PTPRD: variants seen among roughly 807,000 people sequenced by gnomAD.
The protein encoded by PTPRD is protein tyrosine phosphatase receptor type D.
Under a neutral mutation model 214.5 loss-of-function variants are expected in PTPRD, and 34 were observed. The observed-to-expected ratio is 0.16, with a 90% confidence interval of 0.12 to 0.21. The LOEUF is 0.21. PTPRD is among the 10% of genes least tolerant of loss of function. PTPRD has a pLI of 1.00. For synonymous variants in PTPRD, 1,128 were observed against 845.7 expected (o/e 1.33, Z -5.79); for missense variants, 2,545 against 2,398.7 (o/e 1.06, Z -1.27).
intron 2 of PTPRD, among the ~76,000 whole-genome samples, chr9:10,342,186 G>T (rs572238297): frequency 3.9e-5 from 6 of 152,004 alleles, no homozygotes; most frequent in African/African-American, 1.4e-4. Flanking sequence ...TCATCAGATC[G>T]TATTGACTCC....
intron 9 of PTPRD, among the ~76,000 whole-genome samples, chr9:9,260,365 C>T (rs2099979557): frequency 6.6e-6 from 1 of 151,838 alleles, no homozygotes; most frequent in African/African-American, 2.4e-5. Context: ...AAGTAGAAAA[C>T]CGAAATCACG....
At position 10,610,810 on chromosome 9, in the gene PTPRD, T is replaced by G. The variant is rs139625120; in HGVS notation, c.-600+1588A>C. On this transcript the variant is annotated intron_variant, in intron 2 of 45. Coordinates refer to ENST00000381196, the MANE Select transcript of PTPRD (RefSeq NM_002839.4). ...GTTCTATTGTCCTGTCTCATTACCC[T>G]AAAAACTTATGGCCCAAGATATTTA... 3.5e-3 allele frequency among the ~76,000 whole-genome samples: 526 copies of G among 152,252 alleles called. 3 individuals are homozygous for G. The highest frequency in any genetic ancestry group is 3.6e-3 in the Non-Finnish European group (242 of 67,984).
At chr9:8,529,586 C>A (rs1255312817) in intron 14 of PTPRD, among the ~76,000 whole-genome samples, 1 of 152,102 alleles carries the variant, frequency 6.6e-6, no homozygotes, top group African/African-American at 2.4e-5. Flanking sequence ...TCACTTTTTG[C>A]TACCCACATC....
intron 7 of PTPRD, 98 bp from the exon 8 acceptor site, chr9:9,574,879 T>C (rs887670970): frequency 6.6e-6 from 1 of 152,156 alleles, no homozygotes; most frequent in Non-Finnish European, 1.5e-5. Context: ...AGAAATGTTA[T>C]TATATGAGTA....
intron 3 of PTPRD, among the ~76,000 whole-genome samples, chr9:10,280,210 T>C (rs1392003931): frequency 6.6e-6 from 1 of 152,144 alleles, no homozygotes; most frequent in African/African-American, 2.4e-5. Context: ...CTTCCAAAAT[T>C]ACCTAAGGAG....
chr9:8,999,519 GTGA>G (rs1339278847), intron 11 of PTPRD, among the ~76,000 whole-genome samples: 1 of 152,086 alleles, frequency 6.6e-6, no homozygotes, highest in Non-Finnish European at 1.5e-5. Flanking sequence ...ACAATAGACT[GTGA>G]ACAGAACTTT....
chr9:10,200,809 T>A (rs545568486), intron 3 of PTPRD, among the ~76,000 whole-genome samples: 6 of 152,252 alleles, frequency 3.9e-5, no homozygotes, highest in Admixed American at 1.3e-4. Flanking sequence ...AATATAAACA[T>A]AAATTGATGT....
chr9:9,899,327 C>T (rs997417885), intron 5 of PTPRD, among the ~76,000 whole-genome samples: 3 of 151,642 alleles, frequency 2.0e-5, no homozygotes, highest in Non-Finnish European at 4.4e-5. Context: ...GATTAATATC[C>T]AATAAATAAG....
At chr9:8,842,561 T>G (rs78434635) in intron 11 of PTPRD, among the ~76,000 whole-genome samples, 47 of 152,240 alleles carry the variant, frequency 3.1e-4, no homozygotes, top group African/African-American at 1.1e-3. Flanking sequence ...CACCTAGTGG[T>G]AGGGAGACTG....
chr9:9,970,452 AAAAG>A (rs1454186203), intron 4 of PTPRD, among the ~76,000 whole-genome samples: 1 of 127,668 alleles, frequency 7.8e-6, no homozygotes, highest in Non-Finnish European at 1.7e-5. Flanking sequence ...AAGAAAAAGA[AAAAG>A]AAAAAGAAAA....
At chr9:10,446,887 C>T (rs1456887075) in intron 2 of PTPRD, among the ~76,000 whole-genome samples, 1 of 152,068 alleles carries the variant, frequency 6.6e-6, no homozygotes, top group Non-Finnish European at 1.5e-5. Context: ...AGCATACTGC[C>T]CATGCTTATA....
intron 5 of PTPRD, among the ~76,000 whole-genome samples, chr9:9,803,253 G>GA (rs570067434): frequency 0.033 from 3,765 of 114,252 alleles, 64 homozygotes; most frequent in Middle Eastern, 0.061. Flanking sequence ...TGATAAAAAA[G>GA]AAAAAAAAAA....
chr9:10,590,406 A>G (rs1381009690), intron 2 of PTPRD, among the ~76,000 whole-genome samples: 1 of 152,110 alleles, frequency 6.6e-6, no homozygotes, highest in Non-Finnish European at 1.5e-5. Context: ...GGTAATTACT[A>G]CGCCAAGAGA....
intron 2 of PTPRD, among the ~76,000 whole-genome samples, chr9:10,370,907 G>C (rs933411370): frequency 1.3e-5 from 2 of 151,990 alleles, no homozygotes; most frequent in African/African-American, 4.8e-5. Context: ...TGAGTGTTCA[G>C]AGGAGTTAAA....
At chr9:8,581,464 CG>C (rs1247961407) in intron 14 of PTPRD, among the ~76,000 whole-genome samples, 6 of 151,992 alleles carry the variant, frequency 3.9e-5, no homozygotes, top group Admixed American at 3.3e-4. Context: ...AAAGGGTGGC[CG>C]GGGCCGGGCG....
intron 7 of PTPRD, among the ~76,000 whole-genome samples, chr9:9,597,252 C>T (rs677302): frequency 0.4 from 61,326 of 151,718 alleles, 13,152 homozygotes; most frequent in Non-Finnish European, 0.48. Flanking sequence ...GATATCATCC[C>T]ATCAAAGTGG....
chr9:8,605,284 G>C (rs1436876392), intron 14 of PTPRD, among the ~76,000 whole-genome samples: 1 of 152,182 alleles, frequency 6.6e-6, no homozygotes, highest in African/African-American at 2.4e-5. Context: ...CAAGTGCTAA[G>C]CATAATTGGA....
At chr9:9,302,745 T>C (rs996034209) in intron 9 of PTPRD, among the ~76,000 whole-genome samples, 1 of 151,778 alleles carries the variant, frequency 6.6e-6, no homozygotes, top group Admixed American at 6.6e-5. Context: ...TTTGAAGCCA[T>C]CCATAATTCC....
At chr9:10,018,740 G>T (rs1327883916) in intron 4 of PTPRD, among the ~76,000 whole-genome samples, 1 of 150,102 alleles carries the variant, frequency 6.7e-6, no homozygotes, top group African/African-American at 2.4e-5. Flanking sequence ...TAGTAGAGAC[G>T]GGGTTTCACC....
Sources: gnomAD v4.1 joint callset for allele counts (sites outside exome capture counted in the v4.1 genomes callset) on GRCh38, gnomAD v4.1.1 for gene constraint, MANE v1.5 for transcripts, NCBI Gene and HGNC (gene_info 2026-07-23, HGNC 2026-07-21) for gene names.